The following HOMER2 variants were observed in gnomAD, a reference collection of about 807,000 sequenced individuals.
HOMER2 encodes the protein homer protein homolog 2.
A neutral mutation model predicts 47.0 loss-of-function variants in HOMER2; 27 were observed. The ratio of observed to expected loss-of-function variants is 0.57; its 90% CI spans 0.42 to 0.79. HOMER2 has a LOEUF of 0.79. HOMER2 is among the 30% of genes least tolerant of loss of function. The pLI is 0.00. For missense variants in HOMER2, 443 were observed against 435.0 expected (o/e 1.02, Z -0.16); for synonymous variants, 161 against 163.8 (o/e 0.98, Z 0.13).
chr15:82,976,317 G>A (rs565240125), intron 1 of HOMER2, among the ~76,000 whole-genome samples: 1 of 151,206 alleles, frequency 6.6e-6, no homozygotes, highest in Non-Finnish European at 1.5e-5. Context: ...ATTTATTTTT[G>A]AGACGGAGTC....
intron 1 of HOMER2, among the ~76,000 whole-genome samples, chr15:82,919,283 A>G (rs1291650445): frequency 1.3e-5 from 2 of 152,186 alleles, no homozygotes; most frequent in Non-Finnish European, 2.9e-5. Context: ...GCTCTACCCA[A>G]CACCTCTCTC....
chr15:82,933,992 C>T (rs758138269), intron 1 of HOMER2, among the ~76,000 whole-genome samples: 3 of 152,094 alleles, frequency 2.0e-5, no homozygotes, highest in Non-Finnish European at 4.4e-5. Context: ...CGGTCCTTCC[C>T]GCTCCCTATC....
chr15:82,941,680 C>T (rs2054270072), intron 1 of HOMER2, among the ~76,000 whole-genome samples: 1 of 151,886 alleles, frequency 6.6e-6, no homozygotes, highest in African/African-American at 2.4e-5. Flanking sequence ...GGCTGGCTCC[C>T]TGCCACTCAC....
At chr15:82,915,522 C>T (rs569631530) in intron 1 of HOMER2, among the ~76,000 whole-genome samples, 2 of 151,970 alleles carry the variant, frequency 1.3e-5, no homozygotes, top group East Asian at 3.9e-4. Flanking sequence ...CAAGGGAGAC[C>T]CCTTCGCTAC....
intron 1 of HOMER2, among the ~76,000 whole-genome samples, chr15:82,893,588 C>T (rs2052796810): frequency 6.6e-6 from 1 of 150,412 alleles, no homozygotes; most frequent in Non-Finnish European, 1.5e-5. Flanking sequence ...GCCTCGGGCT[C>T]CCAAAGTGCT....
At chr15:82,931,455 G>T (rs563619295) in intron 1 of HOMER2, among the ~76,000 whole-genome samples, 2 of 150,986 alleles carry the variant, frequency 1.3e-5, no homozygotes, top group East Asian at 4.0e-4. Context: ...CTTGAAGCCA[G>T]TGATATGGCT....
rs909588528 is a variant in HOMER2, at chr15:82,872,852, C to T, written c.294+2421G>A. ...AGGGCCTAGCTGCATGAGGAGGAAC[C>T]GGGAAGAAACAAGGTGACAAAGAGG... On this transcript the variant is annotated intron_variant, in intron 3 of 8. Coordinates refer to ENST00000450735, the MANE Select transcript of HOMER2 (RefSeq NM_004839.4). 7.2e-5 allele frequency among the ~76,000 whole-genome samples: 11 copies of T among 152,272 alleles called. No individual in the cohort carries two copies. The South Asian group carries it at 8.3e-4, about 11-fold the overall frequency.
intron 2 of HOMER2, among the ~76,000 whole-genome samples, chr15:82,875,634 C>T (rs1196740261): frequency 6.6e-6 from 1 of 152,192 alleles, no homozygotes; most frequent in African/African-American, 2.4e-5. Flanking sequence ...AACAGTCAGT[C>T]TAAAATAAGA....
intron 1 of HOMER2, among the ~76,000 whole-genome samples, chr15:82,965,029 CTTTTT>C (rs1401137858): frequency 6.6e-6 from 1 of 151,898 alleles, no homozygotes; most frequent in Non-Finnish European, 1.5e-5. Context: ...ACTATATTTT[CTTTTT>C]TTTGAGACAG....
At chr15:82,942,498 G>A (rs2054286202) in intron 1 of HOMER2, among the ~76,000 whole-genome samples, 1 of 152,184 alleles carries the variant, frequency 6.6e-6, no homozygotes, top group South Asian at 2.1e-4. Context: ...TTTACGTGAT[G>A]TCCAACTTCT....
At chr15:82,845,414 T>C (rs1373185403), downstream of HOMER2, 1 of 152,136 alleles carries the variant, frequency 6.6e-6, no homozygotes, top group Admixed American at 6.5e-5. Flanking sequence ...GTAAGTAACA[T>C]TTTCTAGACT....
chr15:82,852,473 A>G (rs1452258843), intron 6 of HOMER2: 1 of 467,604 alleles, frequency 2.1e-6, no homozygotes, highest in Non-Finnish European at 3.7e-6. Flanking sequence ...GCCTTACCAG[A>G]GGCATCTTAC....
chr15:82,955,159 CTTTT>C (rs1244635163), upstream of HOMER2, among the ~76,000 whole-genome samples: 1 of 148,720 alleles, frequency 6.7e-6, no homozygotes, highest in Non-Finnish European at 1.5e-5. Flanking sequence ...TTTTTACTTT[CTTTT>C]TCTTTTTCTT....
At chr15:82,976,825 C>T (rs145452579) in intron 1 of HOMER2, among the ~76,000 whole-genome samples, 4 of 151,336 alleles carry the variant, frequency 2.6e-5, no homozygotes, top group Non-Finnish European at 4.4e-5. Flanking sequence ...TACAGGCATG[C>T]GCCACCATGC....
chr15:82,928,785 A>T (rs1259912123), intron 1 of HOMER2, among the ~76,000 whole-genome samples: 1 of 151,582 alleles, frequency 6.6e-6, no homozygotes, highest in African/African-American at 2.4e-5. Context: ...GAAACTCCCA[A>T]CTTCTATGGA....
At chr15:82,880,194 A>T (rs573332235) in intron 2 of HOMER2, among the ~76,000 whole-genome samples, 1 of 152,330 alleles carries the variant, frequency 6.6e-6, no homozygotes, top group African/African-American at 2.4e-5. Context: ...TCATTTACAT[A>T]TTGGTCTATG....
chr15:82,836,146 T>A (rs1052129958), downstream of HOMER2: 1 of 152,308 alleles, frequency 6.6e-6, no homozygotes, highest in Non-Finnish European at 1.5e-5. Flanking sequence ...TTTCCTCCTC[T>A]GGAACCTTCT....
In HOMER2 at chr15:82,961,697, T is replaced by C. The variant is rs180925504; in HGVS notation, n.83-2389A>G. Among the ~76,000 whole-genome samples, 5 of 152,096 alleles carry C rather than the reference T, an allele frequency of 3.3e-5. No homozygotes were observed. In the East Asian group the frequency reaches 9.7e-4, roughly 30 times the overall value. ...TTTTAAGTGTAGATTTAAGTGGCAC[T>C]AAGTATATTCACATTATTGTGCAAT... On this transcript the variant is annotated intron_variant and non_coding_transcript_variant, in intron 1 of 1. Transcript: ENST00000500334.
At chr15:82,929,523 G>A (rs1003868115) in intron 1 of HOMER2, among the ~76,000 whole-genome samples, 2 of 151,604 alleles carry the variant, frequency 1.3e-5, no homozygotes, top group African/African-American at 4.8e-5. Flanking sequence ...AGGTGTAGTG[G>A]TACACACCTG....
Sources: gnomAD v4.1 joint callset for allele counts (sites outside exome capture counted in the v4.1 genomes callset) on GRCh38, gnomAD v4.1.1 for gene constraint, MANE v1.5 for transcripts, NCBI Gene and HGNC (gene_info 2026-07-23, HGNC 2026-07-21) for gene names.